The following TSC2 variants were observed in gnomAD, a reference collection of about 807,000 sequenced individuals.
TSC2 encodes the protein TSC complex subunit 2.
Under a neutral mutation model 202.2 loss-of-function variants are expected in TSC2, and 29 were observed. The ratio of observed to expected loss-of-function variants is 0.14; its 90% CI spans 0.11 to 0.20. TSC2 has a LOEUF of 0.20. TSC2 is among the 10% of genes least tolerant of loss of function. The probability of loss-of-function intolerance (pLI) is 1.00; values close to 1 mark genes in which losing one functional copy is unlikely to be tolerated. For missense variants in TSC2, 2,429 were observed against 2,420.0 expected, an observed-to-expected ratio of 1.00 and a Z score of -0.08; for synonymous variants, 1,349 against 1,044.0, an observed-to-expected ratio of 1.29 and a Z score of -5.63.
Position 2,088,712 on chromosome 16 carries a change from A to T in TSC2, c.*102A>T. 2 of 1,439,860 alleles carry T rather than the reference A, an allele frequency of 1.4e-6. No homozygotes were observed. Among genetic ancestry groups the T allele is most frequent in the Admixed American group, 4.2e-5 (2 of 47,394 alleles). 89.2% of individuals were successfully genotyped at this position (1,439,860 alleles called of 1,614,324 possible). On this transcript the variant is annotated 3_prime_UTR_variant, in exon 42 of 42. Coordinates refer to ENST00000219476, the MANE Select transcript of TSC2 (RefSeq NM_000548.5). The stretch of plus-strand genomic sequence containing the variant: ...GCACAGACATAGAGGCACAGATTGC[A>T]GTCAGACAGCTCTTTTATTGACTTT...
At position 2,071,533 on chromosome 16, in the gene TSC2, G is replaced by A. The variant is rs1485599658; in HGVS notation, c.1863G>A (p.Leu621=). The A allele has an allele frequency of 1.9e-6, 3 of 1,613,500 alleles. No individual in the cohort carries two copies. The highest frequency in any genetic ancestry group is 2.5e-6 in the Non-Finnish European group (3 of 1,180,034). Reference sequence around the variant, plus strand: ...AGGCCTTTGACTTCCTGTTGCTGCTGCGGGCCGACTCACTGCACCGCCTGG... The same window carrying A: ...AGGCCTTTGACTTCCTGTTGCTGCTACGGGCCGACTCACTGCACCGCCTGG... ...RLQAFDFLLL[L]RADSLHRLGL... is the part of the protein sequence containing the mutation. The change falls in exon 18 of 42, where the codon CTG becomes CTA. Residue 621 remains leucine (L), a synonymous_variant. Coordinates refer to ENST00000219476, the MANE Select transcript of TSC2 (RefSeq NM_000548.5).
intron 1 of TSC2, chr16:2,048,367 T>C: frequency 1.2e-6 from 1 of 862,716 alleles, no homozygotes; most frequent in Non-Finnish European, 1.9e-6. Context: ...CGGCAGCGTC[T>C]GAGTAGAGAG....
Position 2,072,380 on chromosome 16 carries a change from G to T in TSC2, c.2220+17G>T, listed in dbSNP as rs768477166. On this transcript the variant is annotated intron_variant, in intron 20 of 41. Transcript: ENST00000219476. ...TGCTCCATGGTACCATGGCCGGCCT[G>T]GGGTTGGGGTGGGGGACCCAGTAGG... The T allele has an allele frequency of 2.5e-6, 4 of 1,613,020 alleles. No homozygotes were observed. The African/African-American group carries it at 5.3e-5, about 22-fold the overall frequency.
chr16:2,073,118 G>T (rs2151331004), intron 21 of TSC2, 135 bp downstream of exon 21: 1 of 1,425,892 alleles, frequency 7.0e-7, no homozygotes, highest in Non-Finnish European at 9.5e-7. Flanking sequence ...TGCTTCCCTG[G>T]GTGGCTGCCA....
chr16:2,088,974 T>A lies in TSC2; in HGVS notation c.*364T>A, dbSNP rs1325255215. On this transcript the variant is annotated 3_prime_UTR_variant, in exon 42 of 42. Transcript: ENST00000219476. ...CTAACCACCCTGGGGTCCTCTGACA[T>A]GCCTAGTCCTGCTACTTGCCCAGAC... 3.3e-6 allele frequency: 1 copy of A among 304,636 alleles called. No homozygotes were observed. The highest frequency in any genetic ancestry group is 6.3e-6 in the Non-Finnish European group (1 of 158,600). The allele number at this position is 304,636 out of a possible 1,614,324, so 18.9% of individuals were successfully genotyped here.
rs1216438701 is a variant in TSC2, at chr16:2,077,612, G to A, written c.2852G>A (p.Arg951Lys). 1 of 1,613,174 alleles carries A rather than the reference G, an allele frequency of 6.2e-7. No homozygotes were observed. Among genetic ancestry groups the A allele is most frequent in the African/African-American group, 1.3e-5 (1 of 75,062 alleles). The change falls in exon 26 of 42, where the codon AGA (arginine) becomes AAA (lysine). Residue 951 changes from arginine (R) to lysine (K), a missense_variant. Physicochemically the swap from Arg to Lys is conservative, Grantham distance 26. Transcript: ENST00000219476. Reference protein sequence around the residue: ...NERPKSLRIARPPKQGLNNSP... With the variant: ...NERPKSLRIAKPPKQGLNNSP... ...TCACCCGATAGTCTGAGGATAGCCA[G>A]ACCCCCCAAACAAGGCTTGAATAAC... is the stretch of plus-strand genomic sequence containing the variant.
chr16:2,061,239 G>C (rs1489168981), intron 11 of TSC2: 5 of 313,058 alleles, frequency 1.6e-5, no homozygotes, highest in Non-Finnish European at 3.1e-5. Context: ...ATCAGCATAG[G>C]GGCCCTGGGG....
intron 16 of TSC2, among the ~76,000 whole-genome samples, chr16:2,066,651 C>CTTTTTTT (rs34619573): frequency 2.8e-4 from 28 of 98,482 alleles, no homozygotes; most frequent in Non-Finnish European, 4.3e-4. Flanking sequence ...TCTGATTTAT[C>CTTTTTTT]TTTTTTTTTT....
intron 30 of TSC2, 133 bp downstream of exon 30, chr16:2,080,510 G>A: frequency 2.8e-6 from 3 of 1,058,074 alleles, no homozygotes; most frequent in Non-Finnish European, 4.0e-6. Flanking sequence ...TTGAGACAGA[G>A]TCTTGCTCTG....
At chr16:2,086,525 G>T in intron 37 of TSC2, 146 bp downstream of exon 37, 2 of 1,402,818 alleles carry the variant, frequency 1.4e-6, no homozygotes, top group Non-Finnish European at 1.9e-6. Context: ...GCCTAACAGC[G>T]TGGGCATGGA....
At chr16:2,056,831 C>T (rs2151083377) in intron 8 of TSC2, 62 bp downstream of exon 8, 1 of 1,599,158 alleles carries the variant, frequency 6.3e-7, no homozygotes, top group Non-Finnish European at 8.5e-7. Flanking sequence ...CAAGGGCCAT[C>T]CTGTCTCCCA....
rs79786059 is a variant in TSC2, at chr16:2,058,825, C to G, written c.927C>G (p.Leu309=). ...VGMALWGAHR[L]YSLRNSPTSV... ...TGGCTCTCTGGGGAGCCCACCGGCT[C>G]TATTCTCTCAGGAACTCGCCGACAT... is the stretch of plus-strand genomic sequence containing the variant. Residue 309 remains leucine, a synonymous_variant, in exon 10 of 42, where the codon CTC becomes CTG. Transcript: ENST00000219476. 26 of 1,605,290 alleles carry G rather than the reference C, an allele frequency of 1.6e-5. No individual in the cohort carries two copies. The African/African-American group carries it at 3.3e-4, about 21-fold the overall frequency.
intron 5 of TSC2, chr16:2,054,778 G>A (rs943939910): frequency 2.6e-5 from 11 of 423,644 alleles, no homozygotes; most frequent in Non-Finnish European, 4.4e-5. Context: ...TACTGGTCCC[G>A]TCTTCCTCCT....
chr16:2,053,977 C>G (rs1388578071), intron 4 of TSC2: 1 of 467,800 alleles, frequency 2.1e-6, no homozygotes, highest in East Asian at 4.3e-5. Flanking sequence ...TCCTCAGTCT[C>G]TGAGCACAAG....
At chr16:2,068,170 G>C (rs1041772720) in intron 16 of TSC2, among the ~76,000 whole-genome samples, 4 of 152,154 alleles carry the variant, frequency 2.6e-5, no homozygotes, top group Admixed American at 1.3e-4. Context: ...CTCCTGAGTA[G>C]CTGAGATGAC....
At chr16:2,053,861 G>T (rs994817219) in intron 4 of TSC2, 2 of 483,386 alleles carry the variant, frequency 4.1e-6, no homozygotes, top group African/African-American at 3.9e-5. Context: ...GCCTCTTGGT[G>T]TTCCTGCCTC....
rs186437491 is a variant in TSC2, at chr16:2,078,614, G to A, written c.2967-418G>A. 17 of 299,118 alleles carry A rather than the reference G, an allele frequency of 5.7e-5. No homozygotes were observed. The East Asian group carries it at 9.6e-4, about 17-fold the overall frequency. 18.5% of individuals were successfully genotyped at this position (299,118 alleles called of 1,614,324 possible). A position where few individuals can be genotyped will look rare whatever the true frequency, so the allele number is the denominator to read the frequency against. ...AGCCGCTCGCCTGCCTGAGGGTGAC[G>A]GTGGAAGGCCACATGGGGATCCCAG... On this transcript the variant is annotated intron_variant, in intron 26 of 41. Coordinates refer to ENST00000219476, the MANE Select transcript of TSC2 (RefSeq NM_000548.5).
intron 17 of TSC2, among the ~76,000 whole-genome samples, chr16:2,071,208 G>A (rs1016843301): frequency 7.2e-5 from 11 of 152,236 alleles, no homozygotes; most frequent in South Asian, 2.1e-4. Context: ...AGTTGGGGGC[G>A]TGTGGTGCTG....
intron 24 of TSC2, 136 bp from the exon 25 acceptor site, chr16:2,076,355 A>T (rs2089365578): frequency 6.4e-7 from 1 of 1,567,294 alleles, no homozygotes; most frequent in Non-Finnish European, 8.7e-7. Context: ...GCAGGCATTG[A>T]GGGGTGGGAG....
Sources: allele counts gnomAD v4.1 joint callset (sites outside exome capture counted in the v4.1 genomes callset), GRCh38; gene constraint gnomAD v4.1.1; transcripts MANE v1.5; gene names NCBI Gene and HGNC (gene_info 2026-07-23, HGNC 2026-07-21).